The following REPS2 variants were observed in gnomAD, a reference collection of about 807,000 sequenced individuals.
REPS2 encodes ralBP1-associated Eps domain-containing protein 2.
Under a neutral mutation model 53.6 loss-of-function variants are expected in REPS2, and 23 were observed. The observed-to-expected ratio is 0.43, with a 90% CI of 0.31 to 0.61. The LOEUF is 0.61. Among genes scored for constraint, REPS2 ranks in the 20% least tolerant of loss-of-function variants. REPS2 has a pLI of 0.11. For synonymous variants in REPS2, 238 were observed against 218.6 expected, an observed-to-expected ratio of 1.09 and a Z score of -0.78; for missense variants, 446 against 534.9, an observed-to-expected ratio of 0.83 and a Z score of 1.64.
intron 13 of REPS2, among the ~76,000 whole-genome samples, chrX:17,087,266 C>A (rs1452764832): frequency 1.8e-5 from 2 of 112,043 alleles, no homozygotes; most frequent in Admixed American, 1.9e-4. Context: ...CAAAACTCTT[C>A]AGGACCTACT....
intron 9 of REPS2, among the ~76,000 whole-genome samples, chrX:17,063,923 TAC>T (rs3842475): frequency 0.38 from 38,475 of 99,973 alleles, 5,650 homozygotes; most frequent in Middle Eastern, 0.54. Flanking sequence ...GTTTTACTGT[TAC>T]ACACACACAC....
At chrX:16,965,292 G>A (rs1184223420) in intron 1 of REPS2, among the ~76,000 whole-genome samples, 6 of 96,173 alleles carry the variant, frequency 6.2e-5, no homozygotes, top group Admixed American at 1.1e-4. Flanking sequence ...CCTCCCAGAC[G>A]GGGCGGCTGG....
chrX:17,040,021 C>T (rs1602761790), intron 5 of REPS2, among the ~76,000 whole-genome samples: 1 of 112,520 alleles, frequency 8.9e-6, no homozygotes, highest in Non-Finnish European at 1.9e-5. Context: ...TGGCAGTCAG[C>T]CTTCTGAACT....
chrX:17,047,233 A>C (rs1205627997), intron 5 of REPS2, 114 bp from the exon 6 acceptor site: 1 of 789,707 alleles, frequency 1.3e-6, no homozygotes, highest in African/African-American at 2.1e-5. Flanking sequence ...AAATTTCTTC[A>C]CCTGAGGAAA....
chrX:16,956,366 A>G (rs904758277), intron 1 of REPS2, among the ~76,000 whole-genome samples: 1 of 84,544 alleles, frequency 1.2e-5, no homozygotes, highest in Admixed American at 1.8e-4. Context: ...CAATCTCACA[A>G]TTTTGGTTCA....
chrX:17,158,010 G>A (rs1359267247), downstream of REPS2, among the ~76,000 whole-genome samples: 1 of 111,970 alleles, frequency 8.9e-6, no homozygotes, highest in Non-Finnish European at 1.9e-5. Flanking sequence ...TTATTGCCAT[G>A]CAGGCACCTG....
intron 17 of REPS2, among the ~76,000 whole-genome samples, chrX:17,139,213 T>A (rs1313211232): frequency 1.8e-5 from 2 of 111,719 alleles, no homozygotes; most frequent in African/African-American, 6.5e-5. Flanking sequence ...TATTTAAGTT[T>A]CATGGGTTGG....
chrX:17,107,370 T>G (rs1036024509), intron 14 of REPS2, among the ~76,000 whole-genome samples: 2 of 112,340 alleles, frequency 1.8e-5, no homozygotes, highest in Admixed American at 1.9e-4. Flanking sequence ...TTCTTAAATT[T>G]GAAAACTACT....
At chrX:17,056,365 A>C (rs1465621512) in intron 8 of REPS2, among the ~76,000 whole-genome samples, 3 of 112,012 alleles carry the variant, frequency 2.7e-5, no homozygotes, top group African/African-American at 9.7e-5. Context: ...TGGGCAATGG[A>C]GTGGAATGGA....
chrX:17,039,360 A>G (rs1055047526), intron 5 of REPS2, among the ~76,000 whole-genome samples: 6 of 112,432 alleles, frequency 5.3e-5, no homozygotes, highest in African/African-American at 1.9e-4. Context: ...ACATACTGCA[A>G]TCACAGTAAA....
chrX:17,119,868 C>CTTTTTTTTTTTTTTTTTTTTT (rs35141257), intron 14 of REPS2, among the ~76,000 whole-genome samples: 4 of 40,516 alleles, frequency 9.9e-5, no homozygotes, highest in African/African-American at 4.8e-4. Context: ...CGCACTGTGA[C>CTTTTTTTTTTTTTTTTTTTTT]TTTTTTTTTT....
rs112191661 is a variant in REPS2 at position 17,011,778 on chromosome X, A to G, written c.397+5434A>G. Among the ~76,000 whole-genome samples the G allele has an allele frequency of 4.9e-3, 546 of 110,558 alleles. 3 individuals are homozygous for G. The highest frequency in any genetic ancestry group is 0.017 in the African/African-American group (522 of 30,348). On this transcript the variant is annotated intron_variant, in intron 2 of 17. Transcript: ENST00000357277. ...TAAGTTCGAGACCAGCCTGGCCAGC[A>G]TGGTGAAACCTTGTCTCTACTAAAA...
chrX:17,134,783 C>T lies in REPS2; in HGVS notation c.1663-478C>T, dbSNP rs186635352. On this transcript the variant is annotated intron_variant, in intron 15 of 17. Coordinates refer to ENST00000357277, the MANE Select transcript of REPS2 (RefSeq NM_004726.3). ...GGACTACAGGCATCTTCCAGCAGGC[C>T]GGCTAATTTTTTGTATTTTTAGTAG... Among the ~76,000 whole-genome samples the T allele has an allele frequency of 2.8e-4, 31 of 110,167 alleles. 1 individual carries two copies. Among genetic ancestry groups the T allele is most frequent in the African/African-American group, 1.0e-3 (31 of 30,257 alleles).
rs184410702 is a variant in REPS2, at chrX:16,971,429, C to G, written c.273+24295C>G. Among the ~76,000 whole-genome samples, 103 of 112,215 alleles carry G rather than the reference C, an allele frequency of 9.2e-4. 4 individuals are homozygous for G. The East Asian group carries it at 0.015, about 16-fold the overall frequency. On this transcript the variant is annotated intron_variant, in intron 1 of 17. Coordinates refer to ENST00000357277, the MANE Select transcript of REPS2 (RefSeq NM_004726.3). Reference sequence around the variant, plus strand: ...TACATATAATACATATTTTAGTCATCTATCAGATAAATGATTTGCAAAAAT... The same window carrying G: ...TACATATAATACATATTTTAGTCATGTATCAGATAAATGATTTGCAAAAAT...
intron 11 of REPS2, among the ~76,000 whole-genome samples, chrX:17,071,350 A>T (rs2062300780): frequency 1.2e-5 from 1 of 83,024 alleles, no homozygotes; most frequent in South Asian, 6.9e-4. Context: ...TTTGAGGATC[A>T]TAACTTTTCC....
chrX:17,172,170 C>G, the REPS2 span, among the ~76,000 whole-genome samples: 5 of 111,940 alleles, frequency 4.5e-5, no homozygotes, highest in Non-Finnish European at 7.5e-5. Flanking sequence ...CTGGCCATGT[C>G]ATACTAGAAT....
the REPS2 span, among the ~76,000 whole-genome samples, chrX:17,168,544 G>A: frequency 9.0e-6 from 1 of 111,216 alleles, no homozygotes; most frequent in South Asian, 3.9e-4. Context: ...AGGGATCTCT[G>A]TGGAATTTAC....
At chrX:17,159,383 G>C in the REPS2 span, among the ~76,000 whole-genome samples, 4 of 111,700 alleles carry the variant, frequency 3.6e-5, no homozygotes, top group Non-Finnish European at 7.5e-5. Flanking sequence ...TCTTACTTAA[G>C]TTGGAGGCAA....
chrX:16,949,392 A>G (rs1004533233), intron 1 of REPS2, among the ~76,000 whole-genome samples: 1 of 112,141 alleles, frequency 8.9e-6, no homozygotes, highest in Non-Finnish European at 1.9e-5. Flanking sequence ...TAAATGGTCT[A>G]TAAAAATACT....
Sources: gnomAD v4.1 joint callset for allele counts (sites outside exome capture counted in the v4.1 genomes callset) on GRCh38, gnomAD v4.1.1 for gene constraint, MANE v1.5 for transcripts, NCBI Gene and HGNC (gene_info 2026-07-23, HGNC 2026-07-21) for gene names.